Variants in CHRDL2 observed in about 807,000 individuals in gnomAD.
CHRDL2 encodes chordin like 2.
In CHRDL2, 41 loss-of-function variants were observed where a neutral mutation model predicts 54.3. The observed-to-expected ratio is 0.76, with a 90% CI of 0.59 to 0.98. The LOEUF (loss-of-function observed/expected upper bound fraction) is 0.98. Ranked by LOEUF, CHRDL2 falls within the 50% of genes least tolerant of loss-of-function variation. The pLI is 0.00. For synonymous variants in CHRDL2, 220 were observed against 224.3 expected (o/e 0.98, Z 0.17); for missense variants, 518 against 562.4 (o/e 0.92, Z 0.80).
intron 9 of CHRDL2, chr11:74,698,721 A>ACACACACACACACACC (rs1491382541): frequency 3.7e-5 from 3 of 81,756 alleles, no homozygotes; most frequent in Non-Finnish European, 8.4e-5. Context: ...ACACACACAC[A>ACACACACACACACACC]CCCCACATAC....
chr11:74,696,659 T>C (rs1278914810), intron 10 of CHRDL2, 74 bp from the exon 11 acceptor site: 9 of 1,167,394 alleles, frequency 7.7e-6, no homozygotes, highest in South Asian at 6.2e-5. Context: ...CAGCTGGGGG[T>C]TGGAAAAGCC....
At position 74,702,799 on chromosome 11, in the gene CHRDL2, A is replaced by G; in HGVS notation, c.1115T>C (p.Val372Ala). 6.2e-7 allele frequency: 1 copy of G among 1,613,978 alleles called. No homozygotes were observed. The highest frequency in any genetic ancestry group is 8.5e-7 in the Non-Finnish European group (1 of 1,179,968). ...DLVEIYLWKL[V>A]KGIFHLTQIK... ...GGGAGTGGGCCAGCACTCACCTTTT[A>G]CCAGCTTCCAGAGGTAGATCTCCAC... is the stretch of plus-strand genomic sequence containing the variant. Residue 372 changes from valine to alanine, a missense_variant, in exon 9 of 11, where the codon GTA (valine) becomes GCA (alanine). Physicochemically the swap from Val to Ala is moderately conservative, Grantham distance 64 (BLOSUM62 0). Transcript: ENST00000376332.
intron 1 of CHRDL2, among the ~76,000 whole-genome samples, chr11:74,723,209 T>C (rs1464501459): frequency 6.6e-6 from 1 of 152,110 alleles, no homozygotes; most frequent in African/African-American, 2.4e-5. Context: ...GGATAGGATA[T>C]GGGTGGAGAA....
Position 74,713,417 on chromosome 11 carries a change from C to T in CHRDL2, c.258G>A (p.Thr86=), listed in dbSNP as rs570369594. 37 of 1,614,090 alleles carry T rather than the reference C, an allele frequency of 2.3e-5. No homozygotes were observed. Among genetic ancestry groups the T allele is most frequent in the Admixed American group, 3.3e-5 (2 of 60,006 alleles). The change falls in exon 3 of 11, where the codon ACG becomes ACA. Residue 86 remains threonine, a synonymous_variant. Transcript: ENST00000376332. ...CPPVHCPQPV[T]EPQQCCPKCV... Reference sequence around the variant, plus strand: ...ACTTGGGACAGCATTGCTGTGGCTCCGTCACAGGCTGGGGGCAGTGGACAG... The same window carrying T: ...ACTTGGGACAGCATTGCTGTGGCTCTGTCACAGGCTGGGGGCAGTGGACAG...
At position 74,697,311 on chromosome 11, in the gene CHRDL2, C is replaced by G. The variant is rs768754822; in HGVS notation, c.1121-14G>C. 1 of 1,608,582 alleles carries G rather than the reference C, an allele frequency of 6.2e-7. No individual in the cohort carries two copies. The highest frequency in any genetic ancestry group is 1.3e-5 in the African/African-American group (1 of 74,948). ...AGTGGAAGATTCCTGAGGGCAGAGACAAGGATGTGAGCAGGCAAGGCAAAA... is the reference window on the plus strand; with the variant it reads ...AGTGGAAGATTCCTGAGGGCAGAGAGAAGGATGTGAGCAGGCAAGGCAAAA... On this transcript the variant is annotated splice_polypyrimidine_tract_variant and intron_variant, in intron 9 of 10. Coordinates refer to ENST00000376332, the MANE Select transcript of CHRDL2 (RefSeq NM_001278473.3).
chr11:74,702,745 A>AG, intron 9 of CHRDL2, 49 bp downstream of exon 9: 1 of 1,601,076 alleles, frequency 6.2e-7, no homozygotes, highest in Non-Finnish European at 8.6e-7. Context: ...GGGCACGGGA[A>AG]GGGGGACTGG....
intron 10 of CHRDL2, 144 bp from the exon 11 acceptor site, chr11:74,696,729 G>T: frequency 1.5e-6 from 1 of 653,152 alleles, no homozygotes; most frequent in Non-Finnish European, 2.8e-6. Context: ...CTGGAGGCGA[G>T]TGTGCCATCA....
At chr11:74,721,102 C>G (rs1469614292) in intron 1 of CHRDL2, among the ~76,000 whole-genome samples, 1 of 152,210 alleles carries the variant, frequency 6.6e-6, no homozygotes, top group Non-Finnish European at 1.5e-5. Context: ...GCCCGGCTGG[C>G]CCGTATCAAA....
chr11:74,700,640 A>ATT (rs1454728912), intron 9 of CHRDL2, among the ~76,000 whole-genome samples: 77 of 141,626 alleles, frequency 5.4e-4, no homozygotes, highest in Admixed American at 2.9e-3. Context: ...TATTATTATT[A>ATT]TTATTTTTTT....
chr11:74,706,554 A>G lies in CHRDL2; in HGVS notation c.527-12T>C, dbSNP rs375142073. ...CTCACTTGCCTCATCTGAAAACTCA[A>G]AGGGAAGCTGGGTCAGCCTCAGGCT... On this transcript the variant is annotated splice_polypyrimidine_tract_variant and intron_variant, in intron 5 of 10. Transcript: ENST00000376332. The G allele has an allele frequency of 1.8e-5, 29 of 1,613,772 alleles. No individual in the cohort carries two copies. In the South Asian group the frequency reaches 2.2e-4, roughly 12 times the overall value.
At chr11:74,709,214 C>T (rs2034109840) in intron 4 of CHRDL2, among the ~76,000 whole-genome samples, 1 of 152,130 alleles carries the variant, frequency 6.6e-6, no homozygotes, top group African/African-American at 2.4e-5. Context: ...CAGAGGAATC[C>T]TGGGAATGCT....
intron 5 of CHRDL2, among the ~76,000 whole-genome samples, chr11:74,707,517 T>C (rs1225955981): frequency 6.6e-6 from 1 of 152,180 alleles, no homozygotes; most frequent in Non-Finnish European, 1.5e-5. Flanking sequence ...ACCTGGGTTC[T>C]GTATAAAAGA....
At chr11:74,697,463 A>G in intron 9 of CHRDL2, 166 bp from the exon 10 acceptor site, 1 of 618,190 alleles carries the variant, frequency 1.6e-6, no homozygotes, top group Non-Finnish European at 2.9e-6. Flanking sequence ...TTTTGAATCC[A>G]TTCTCCTATC....
chr11:74,727,928 A>G (rs767750308), intron 1 of CHRDL2, among the ~76,000 whole-genome samples: 23 of 152,294 alleles, frequency 1.5e-4, no homozygotes, highest in Non-Finnish European at 3.2e-4. Context: ...AGTGACCAGC[A>G]TCACACATGT....
At position 74,715,834 on chromosome 11, in the gene CHRDL2, C is replaced by T. The variant is rs1160434971; in HGVS notation, c.196-2355G>A. ...TTCTACTAAAAATACAAAAATTAGC[C>T]GGGCGTGGTGGTGCATGCCTATAAT... On this transcript the variant is annotated intron_variant, in intron 2 of 10. Coordinates refer to ENST00000376332, the MANE Select transcript of CHRDL2 (RefSeq NM_001278473.3). 4.0e-5 allele frequency among the ~76,000 whole-genome samples: 6 copies of T among 151,654 alleles called. No individual in the cohort carries two copies. The East Asian group carries it at 5.8e-4, about 15-fold the overall frequency.
chr11:74,703,542 A>C, intron 7 of CHRDL2, 43 bp from the exon 8 acceptor site: 1 of 1,489,294 alleles, frequency 6.7e-7, no homozygotes, highest in Non-Finnish European at 9.0e-7. Flanking sequence ...AGGGCCTCAG[A>C]CCTGGCCAGG....
rs1470634804 is a variant in CHRDL2 at position 74,703,502 on chromosome 11, G to A, written c.752-3C>T. The A allele has an allele frequency of 1.3e-6, 2 of 1,578,464 alleles. No individual in the cohort carries two copies. The highest frequency in any genetic ancestry group is 2.3e-5 in the South Asian group (2 of 87,130). ...CGTCTTCCCGCCATGCACACAGGCT[G>A]AATAAGGAGGGTGAGAAGGAAGGAG... is the stretch of plus-strand genomic sequence containing the variant. On this transcript the variant is annotated splice_region_variant and splice_polypyrimidine_tract_variant and intron_variant, in intron 7 of 10. Coordinates refer to ENST00000376332, the MANE Select transcript of CHRDL2 (RefSeq NM_001278473.3).
chr11:74,704,723 AAG>A (rs1444928232), intron 6 of CHRDL2, 69 bp from the exon 7 acceptor site: 1 of 1,506,086 alleles, frequency 6.6e-7, no homozygotes, highest in Admixed American at 2.0e-5. Flanking sequence ...CCAGAACAGC[AAG>A]ACAGGCTGCA....
At position 74,703,402 on chromosome 11, in the gene CHRDL2, C is replaced by T. The variant is rs1186200473; in HGVS notation, c.849G>A (p.Glu283=). The stretch of plus-strand genomic sequence containing the variant: ...CACGCTGGCAGTCCTGGCGGCCATC[C>T]TCACAGGTGCATAGGATGCAGGGCA... ...GPLPCILCTC[E]DGRQDCQRVT... is the part of the protein sequence containing the mutation. Residue 283 remains glutamate, a synonymous_variant, in exon 8 of 11, where the codon GAG becomes GAA. Coordinates refer to ENST00000376332, the MANE Select transcript of CHRDL2 (RefSeq NM_001278473.3). 2 of 1,613,606 alleles carry T rather than the reference C, an allele frequency of 1.2e-6. No individual in the cohort carries two copies. Among genetic ancestry groups the T allele is most frequent in the African/African-American group, 2.7e-5 (2 of 74,942 alleles).
Sources: gnomAD v4.1 joint callset for allele counts (sites outside exome capture counted in the v4.1 genomes callset) on GRCh38, gnomAD v4.1.1 for gene constraint, MANE v1.5 for transcripts, NCBI Gene and HGNC (gene_info 2026-07-23, HGNC 2026-07-21) for gene names.